Variants in FKBP15 observed in about 807,000 individuals in gnomAD.
FKBP15 encodes FK506-binding protein 15.
FKBP15 carries 106 observed loss-of-function variants against 158.1 expected under a neutral mutation model. That is an observed-to-expected ratio of 0.67 (90% CI 0.57 to 0.79). The LOEUF is 0.79. Ranked by LOEUF, FKBP15 falls within the 30% of genes least tolerant of loss-of-function variation. FKBP15 has a pLI of 0.00. For synonymous variants in FKBP15, 547 were observed against 548.6 expected (o/e 1.00, Z 0.04); for missense variants, 1,287 against 1,479.1 (o/e 0.87, Z 2.13).
chr9:113,167,947 T>C (rs886919120), intron 27 of FKBP15, among the ~76,000 whole-genome samples: 54 of 152,202 alleles, frequency 3.5e-4, no homozygotes, highest in African/African-American at 1.1e-3. Context: ...GAAAGCAGGC[T>C]GAGTAAGTGG....
rs1322806301 is a variant in FKBP15, at chr9:113,161,619, A to G, written c.*4459T>C. 6.2e-7 allele frequency: 1 copy of G among 1,614,042 alleles called. No homozygotes were observed. The highest frequency in any genetic ancestry group is 1.1e-5 in the South Asian group (1 of 91,082). On this transcript the variant is annotated 3_prime_UTR_variant, in exon 28 of 28. Coordinates refer to ENST00000238256, the MANE Select transcript of FKBP15 (RefSeq NM_015258.2). ...GGTACTGGTGAACCTGCCAACCTCC[A>G]TCAGCCAGCAGACCATCGCAGAGAC...
chr9:113,188,846 C>A (rs959310989), intron 12 of FKBP15, among the ~76,000 whole-genome samples: 4 of 152,062 alleles, frequency 2.6e-5, no homozygotes, highest in African/African-American at 9.7e-5. Context: ...TAATCTATTC[C>A]CACAAAAAAA....
chr9:113,184,647 C>T lies in FKBP15; in HGVS notation c.1608+48G>A. 1 of 1,460,492 alleles carries T rather than the reference C, an allele frequency of 6.8e-7. No homozygotes were observed. The highest frequency in any genetic ancestry group is 9.4e-7 in the Non-Finnish European group (1 of 1,058,320). 90.5% of individuals were successfully genotyped at this position (1,460,492 alleles called of 1,614,324 possible). A position where few individuals can be genotyped will look rare whatever the true frequency, so the allele number is the denominator to read the frequency against. On this transcript the variant is annotated intron_variant, in intron 16 of 27. Coordinates refer to ENST00000238256, the MANE Select transcript of FKBP15 (RefSeq NM_015258.2). The surrounding 1 kb of genome is among the most constrained non-coding windows in gnomAD (Gnocchi z 4.5). ...GTTTACCTACAGTTCTGGCTGCTCC[C>T]TGTTTACATCCCCACTTTCAACATC...
intron 27 of FKBP15, 140 bp from the exon 28 acceptor site, chr9:113,166,295 C>G (rs1325946940): frequency 7.7e-6 from 5 of 653,458 alleles, no homozygotes; most frequent in African/African-American, 3.6e-5. Flanking sequence ...AACTCTGAGG[C>G]CAGCAAACCT....
intron 8 of FKBP15, 85 bp from the exon 9 acceptor site, chr9:113,197,163 AT>A: frequency 6.6e-7 from 1 of 1,523,022 alleles, no homozygotes. Flanking sequence ...GGTTTCACTT[AT>A]CCACACTTTC....
At chr9:113,207,190 GT>G in intron 3 of FKBP15, 21 bp downstream of exon 3, 2 of 1,594,116 alleles carry the variant, frequency 1.3e-6, no homozygotes, top group Non-Finnish European at 1.7e-6. Flanking sequence ...ACTTCAGAGG[GT>G]GTTCCTTCTC....
rs372541234 is a variant in FKBP15, at chr9:113,202,994, C to T, written c.366G>A (p.Thr122=). The change falls in exon 5 of 28, where the codon ACG becomes ACA. Residue 122 remains threonine, a synonymous_variant. Transcript: ENST00000238256. ...LLYISQQQPV[T]VARIHVNFEL... ...CAAAGTTCACATGAATCCTAGCAACCGTAACTGGCTGTTGTTGACTGATAT... is the reference window on the plus strand; with the variant it reads ...CAAAGTTCACATGAATCCTAGCAACTGTAACTGGCTGTTGTTGACTGATAT... 54 of 1,612,712 alleles carry T rather than the reference C, an allele frequency of 3.3e-5. 1 individual carries two copies. In the East Asian group the frequency reaches 6.5e-4, roughly 19 times the overall value.
intron 20 of FKBP15, 73 bp from the exon 21 acceptor site, chr9:113,176,746 C>CTTTTTTTAAA (rs1830306213): frequency 6.7e-7 from 1 of 1,494,006 alleles, no homozygotes; most frequent in Non-Finnish European, 9.0e-7. Context: ...CCCAGCAGCT[C>CTTTTTTTAAA]TTTTTTTAAA....
Position 113,197,062 on chromosome 9 carries a change from A to G in FKBP15, c.734T>C (p.Met245Thr), listed in dbSNP as rs1183201621. ...CTTTCCTCCTTTTTTCATGCCCAGC[A>G]TTCCATCCTCCCAGCCCTTTAAAAA... ...GKVIKGWEDG[M>T]LGMKKGGKRL... Residue 245 changes from methionine (M) to threonine (T), a missense_variant, in exon 9 of 28, where the codon ATG becomes ACG. Coordinates refer to ENST00000238256, the MANE Select transcript of FKBP15 (RefSeq NM_015258.2). 1 of 1,613,886 alleles carries G rather than the reference A, an allele frequency of 6.2e-7. No homozygotes were observed. The highest frequency in any genetic ancestry group is 8.5e-7 in the Non-Finnish European group (1 of 1,179,790).
chr9:113,161,878 A>G lies in FKBP15; in HGVS notation c.*4200T>C, dbSNP rs1326348646. ...CTAGAGCTCATGTCTCCTGATGCCC[A>G]GGCCAAAGCACTCTGTGAACAGCCA... On this transcript the variant is annotated 3_prime_UTR_variant, in exon 28 of 28. Coordinates refer to ENST00000238256, the MANE Select transcript of FKBP15 (RefSeq NM_015258.2). 11 of 718,930 alleles carry G rather than the reference A, an allele frequency of 1.5e-5. No individual in the cohort carries two copies. Among genetic ancestry groups the G allele is most frequent in the Non-Finnish European group, 2.7e-5 (11 of 405,778 alleles). 44.5% of individuals were successfully genotyped at this position (718,930 alleles called of 1,614,324 possible). A position where few individuals can be genotyped will look rare whatever the true frequency, so the allele number is the denominator to read the frequency against.
chr9:113,211,687 T>G lies in FKBP15; in HGVS notation c.54-95A>C. 3 of 752,694 alleles carry G rather than the reference T, an allele frequency of 4.0e-6. No homozygotes were observed. In the African/African-American group the frequency reaches 5.3e-5, roughly 13 times the overall value. The allele number at this position is 752,694 out of a possible 1,614,324, so 46.6% of individuals were successfully genotyped here. A position where few individuals can be genotyped will look rare whatever the true frequency, so the allele number is the denominator to read the frequency against. On this transcript the variant is annotated intron_variant, in intron 1 of 27. Transcript: ENST00000238256. The stretch of plus-strand genomic sequence containing the variant: ...TCATCTCCAACCTTGAACAAATACC[T>G]CCTTGACTACATCCCACCATTCAAT...
rs59563913 is a variant in FKBP15, at chr9:113,191,553, T to C, written c.1066-975A>G. The stretch of plus-strand genomic sequence containing the variant: ...AGGAAAGGACTAGTTATATAGACCT[T>C]ATGCACACAATGGAATATTGTGATA... On this transcript the variant is annotated intron_variant, in intron 11 of 27. Coordinates refer to ENST00000238256, the MANE Select transcript of FKBP15 (RefSeq NM_015258.2). Among the ~76,000 whole-genome samples, 529 of 151,352 alleles carry C rather than the reference T, an allele frequency of 3.5e-3. 7 individuals carry two copies. The highest frequency in any genetic ancestry group is 0.012 in the African/African-American group (504 of 41,346).
At chr9:113,219,871 G>T (rs565092708) in intron 1 of FKBP15, among the ~76,000 whole-genome samples, 3 of 152,284 alleles carry the variant, frequency 2.0e-5, no homozygotes, top group African/African-American at 7.2e-5. Flanking sequence ...ACTGAGAAAC[G>T]GAAAGAACTC....
chr9:113,197,174 C>T, intron 8 of FKBP15, 96 bp from the exon 9 acceptor site: 1 of 1,470,240 alleles, frequency 6.8e-7, no homozygotes, highest in Non-Finnish European at 9.2e-7. Flanking sequence ...TCCACACTTT[C>T]ACGTTTACTC....
chr9:113,173,552 A>T lies in FKBP15; in HGVS notation c.2433T>A (p.His811Gln), dbSNP rs368175201. 15 of 1,613,928 alleles carry T rather than the reference A, an allele frequency of 9.3e-6. No individual in the cohort carries two copies. In the African/African-American group the frequency reaches 1.6e-4, roughly 17 times the overall value. The change falls in exon 23 of 28, where the codon CAT (histidine) becomes CAA (glutamine). Residue 811 changes from histidine (H) to glutamine (Q), a missense_variant. By Grantham distance (24) the His-to-Gln change is conservative. Transcript: ENST00000238256. Reference sequence around the variant, plus strand: ...GCTCATCCTTGGCGGAGGCCAACAAATGTTCACATTTTGCTTCCCACTGGG... The same window carrying T: ...GCTCATCCTTGGCGGAGGCCAACAATTGTTCACATTTTGCTTCCCACTGGG... ...LQTQWEAKCEHLLASAKDEHL... is the reference protein window; with the variant it reads ...LQTQWEAKCEQLLASAKDEHL...
chr9:113,174,817 A>ACATCCTAACTTTCATAAAGGT (rs138365812), intron 21 of FKBP15, among the ~76,000 whole-genome samples: 1 of 51,774 alleles, frequency 1.9e-5, no homozygotes, highest in Non-Finnish European at 4.3e-5. Context: ...GAGCTAGGGA[A>ACATCCTAACTTTCATAAAGGT]ATTGGGAGGC....
In FKBP15 at chr9:113,206,786, G is replaced by A. The variant is rs1830897675; in HGVS notation, c.255-208C>T. 4 of 490,076 alleles carry A rather than the reference G, an allele frequency of 8.2e-6. No homozygotes were observed. In the East Asian group the frequency reaches 1.0e-4, roughly 13 times the overall value. 30.4% of individuals were successfully genotyped at this position (490,076 alleles called of 1,614,324 possible). A position where few individuals can be genotyped will look rare whatever the true frequency, so the allele number is the denominator to read the frequency against. On this transcript the variant is annotated intron_variant, in intron 3 of 27. Transcript: ENST00000238256. ...GGCTGGAGTGCAGTGACATGATCTTGGCTCACTGCAACCTCTGCCTCCCAG... is the reference window on the plus strand; with the variant it reads ...GGCTGGAGTGCAGTGACATGATCTTAGCTCACTGCAACCTCTGCCTCCCAG...
rs779219290 is a variant in FKBP15, at chr9:113,184,347, A to G, written c.1661T>C (p.Met554Thr). Residue 554 changes from methionine (M) to threonine (T), a missense_variant, in exon 17 of 28, where the codon ATG becomes ACG. Coordinates refer to ENST00000238256, the MANE Select transcript of FKBP15 (RefSeq NM_015258.2). This position sits in a 1 kb window ranked among gnomAD's most constrained non-coding sequence, Gnocchi z 4.5. Reference protein sequence around the residue: ...SAGNSMLIPSMSVTMETSMIM... With the variant: ...SAGNSMLIPSTSVTMETSMIM... ...CATGCTTGTTTCCATTGTAACTGAC[A>G]TGCTAGGAATAAGCATGGAATTGCC... 5 of 1,607,244 alleles carry G rather than the reference A, an allele frequency of 3.1e-6. No homozygotes were observed. The highest frequency in any genetic ancestry group is 2.7e-5 in the African/African-American group (2 of 74,896).
intron 1 of FKBP15, among the ~76,000 whole-genome samples, chr9:113,215,634 ATATATATATATTTT>A: frequency 8.6e-6 from 1 of 116,226 alleles, no homozygotes; most frequent in South Asian, 3.1e-4. Flanking sequence ...GTATATATAT[ATATATATATATTTT>A]TTTTTTTTTT....
Sources: allele counts gnomAD v4.1 joint callset (sites outside exome capture counted in the v4.1 genomes callset), GRCh38; gene constraint gnomAD v4.1.1; non-coding constraint Gnocchi (gnomAD v3.1); transcripts MANE v1.5; gene names NCBI Gene and HGNC (gene_info 2026-07-23, HGNC 2026-07-21).